Variants in KIF13B observed in about 807,000 individuals in gnomAD.
KIF13B encodes kinesin family member 13B.
A neutral mutation model predicts 222.0 loss-of-function variants in KIF13B; 127 were observed. The observed-to-expected ratio is 0.57, with a 90% CI of 0.50 to 0.66. The LOEUF (loss-of-function observed/expected upper bound fraction) is 0.66. Ranked by LOEUF, KIF13B falls within the 30% of genes least tolerant of loss-of-function variation. The pLI, the probability that KIF13B is intolerant of heterozygous loss-of-function variation, is 0.00. For missense variants in KIF13B, 2,173 were observed against 2,379.0 expected, an observed-to-expected ratio of 0.91 and a Z score of 1.80; for synonymous variants, 976 against 919.0, an observed-to-expected ratio of 1.06 and a Z score of -1.12.
At chr8:29,122,492 G>C (rs921072652) in intron 29 of KIF13B, 99 bp downstream of exon 29, 2 of 925,578 alleles carry the variant, frequency 2.2e-6, no homozygotes, top group Non-Finnish European at 3.4e-6. Context: ...TAGCCTTAGG[G>C]GGACAGAATT....
intron 7 of KIF13B, among the ~76,000 whole-genome samples, chr8:29,180,919 T>C (rs1250348425): frequency 1.3e-5 from 2 of 152,162 alleles, no homozygotes; most frequent in Non-Finnish European, 2.9e-5. Flanking sequence ...ACAAGGATCT[T>C]AATGAGGAGT....
intron 2 of KIF13B, among the ~76,000 whole-genome samples, chr8:29,211,729 T>TACAA (rs1814235888): frequency 6.6e-6 from 1 of 152,188 alleles, no homozygotes; most frequent in African/African-American, 2.4e-5. Context: ...AGGCATGAGT[T>TACAA]ACAACCAGCC....
intron 30 of KIF13B, among the ~76,000 whole-genome samples, 187 bp from the exon 31 acceptor site, chr8:29,117,194 G>A (rs1809644364): frequency 6.6e-6 from 1 of 152,184 alleles, no homozygotes; most frequent in Admixed American, 6.5e-5. Context: ...AGCCTGAAAA[G>A]TATAGAGCAT....
intron 13 of KIF13B, among the ~76,000 whole-genome samples, chr8:29,159,594 GGAA>G (rs1295335129): frequency 1.3e-5 from 2 of 152,158 alleles, no homozygotes; most frequent in African/African-American, 4.8e-5. Flanking sequence ...AACCCTCACA[GGAA>G]CCTGGCAAAG....
chr8:29,088,015 C>T (rs1266375884), intron 37 of KIF13B, among the ~76,000 whole-genome samples: 7 of 152,120 alleles, frequency 4.6e-5, no homozygotes, highest in Non-Finnish European at 8.8e-5. Flanking sequence ...CGCCTGTAAT[C>T]CCAGCACTTT....
At chr8:29,107,525 TCACACA>T (rs372061687) in intron 35 of KIF13B, among the ~76,000 whole-genome samples, 1 of 148,238 alleles carries the variant, frequency 6.7e-6, no homozygotes, top group African/African-American at 2.5e-5. Context: ...CGAAACATCA[TCACACA>T]CACACACACA....
At chr8:29,207,490 C>T (rs999927901) in intron 2 of KIF13B, among the ~76,000 whole-genome samples, 4 of 152,088 alleles carry the variant, frequency 2.6e-5, no homozygotes, top group African/African-American at 4.8e-5. Context: ...GCACTCAATG[C>T]TTATTGGACG....
At chr8:29,145,999 T>A (rs1811043672) in intron 18 of KIF13B, 1 of 379,776 alleles carries the variant, frequency 2.6e-6, no homozygotes. Flanking sequence ...GAAAATAACA[T>A]AAGCAAAATG....
intron 18 of KIF13B, among the ~76,000 whole-genome samples, chr8:29,143,012 C>A (rs893620236): frequency 6.6e-6 from 1 of 151,986 alleles, no homozygotes; most frequent in Non-Finnish European, 1.5e-5. Flanking sequence ...GCCAATACAC[C>A]CAGCTAATTT....
intron 2 of KIF13B, among the ~76,000 whole-genome samples, chr8:29,204,414 T>C (rs1342468029): frequency 2.6e-5 from 4 of 152,298 alleles, no homozygotes; most frequent in South Asian, 2.1e-4. Context: ...ACTTTCACTA[T>C]AAGAAAGCTT....
chr8:29,182,305 G>A (rs1812745088), intron 6 of KIF13B, among the ~76,000 whole-genome samples: 1 of 152,150 alleles, frequency 6.6e-6, no homozygotes, highest in Non-Finnish European at 1.5e-5. Context: ...CAGAGAATGT[G>A]GTACAAAGAG....
At chr8:29,123,952 G>T in intron 27 of KIF13B, 72 bp downstream of exon 27, 1 of 907,764 alleles carries the variant, frequency 1.1e-6, no homozygotes, top group Non-Finnish European at 1.8e-6. Flanking sequence ...TAACTGATGT[G>T]GCTACAAAGG....
chr8:29,073,183 C>T (rs955962312), intron 38 of KIF13B, among the ~76,000 whole-genome samples: 2 of 149,396 alleles, frequency 1.3e-5, no homozygotes, highest in Non-Finnish European at 3.0e-5. Context: ...GACAAAGGCT[C>T]CCTGTGGGCC....
At chr8:29,128,000 GTAAATA>G (rs1254615352) in intron 24 of KIF13B, among the ~76,000 whole-genome samples, 7 of 151,062 alleles carry the variant, frequency 4.6e-5, no homozygotes, top group Admixed American at 6.6e-5. Context: ...TAAAGTACCA[GTAAATA>G]TAAATATAAA....
chr8:29,140,157 A>C lies in KIF13B; in HGVS notation c.2519T>G (p.Leu840Arg). 6.2e-7 allele frequency: 1 copy of C among 1,613,766 alleles called. No homozygotes were observed. The highest frequency in any genetic ancestry group is 8.5e-7 in the Non-Finnish European group (1 of 1,179,860). The change falls in exon 21 of 40, where the codon CTC becomes CGC. Residue 840 changes from leucine (L) to arginine (R), a missense_variant. Leu to Arg is a moderately radical substitution (Grantham distance 102). This residue lies in a region of KIF13B where 1,480 missense variants were observed against 1,722.8 expected (regional missense o/e 0.86). Coordinates refer to ENST00000524189, the MANE Select transcript of KIF13B (RefSeq NM_015254.4). Reference protein sequence around the residue: ...AGRLHVEVMRLSGDVGERIAG... With the variant: ...AGRLHVEVMRRSGDVGERIAG... ...GATCCTCTCCCCAACATCACCACTG[A>C]GTCGCATCACCTCCACGTGCAGCCG...
chr8:29,140,060 T>C lies in KIF13B; in HGVS notation c.2613+3A>G. 1 of 1,577,922 alleles carries C rather than the reference T, an allele frequency of 6.3e-7. No individual in the cohort carries two copies. The highest frequency in any genetic ancestry group is 8.6e-7 in the Non-Finnish European group (1 of 1,162,210). The stretch of plus-strand genomic sequence containing the variant: ...GTAATACTAGGATGAAGCTGGGACT[T>C]ACCATGCACACCAGTTTGTTCTCCT... On this transcript the variant is annotated splice_donor_region_variant and intron_variant, in intron 21 of 39. Transcript: ENST00000524189.
At chr8:29,170,210 A>G (rs1812179016) in intron 10 of KIF13B, among the ~76,000 whole-genome samples, 1 of 152,268 alleles carries the variant, frequency 6.6e-6, no homozygotes, top group Non-Finnish European at 1.5e-5. Context: ...CAAATTAAAT[A>G]GTCATAGGAA....
chr8:29,189,470 G>A (rs1455627842), intron 4 of KIF13B: 1 of 152,128 alleles, frequency 6.6e-6, no homozygotes, highest in African/African-American at 2.4e-5. Context: ...AAGGAATAAA[G>A]GCAATCAAAG....
At chr8:29,113,190 G>A (rs1387859298) in intron 32 of KIF13B, among the ~76,000 whole-genome samples, 1 of 152,112 alleles carries the variant, frequency 6.6e-6, no homozygotes, top group African/African-American at 2.4e-5. Context: ...TCCCTTCCTG[G>A]GTACAATATG....
Sources: allele counts gnomAD v4.1 joint callset (sites outside exome capture counted in the v4.1 genomes callset), GRCh38; gene constraint gnomAD v4.1.1; regional missense constraint gnomAD v4.1.1; transcripts MANE v1.5; gene names NCBI Gene and HGNC (gene_info 2026-07-23, HGNC 2026-07-21).